The following PALM2AKAP2 variants were observed in gnomAD, a reference collection of about 807,000 sequenced individuals.
The protein encoded by PALM2AKAP2 is PALM2 and AKAP2 fusion.
PALM2AKAP2 carries 37 observed loss-of-function variants against 71.5 expected under a neutral mutation model. The ratio of observed to expected loss-of-function variants is 0.52; its 90% CI spans 0.40 to 0.68. PALM2AKAP2 has a LOEUF of 0.68. PALM2AKAP2 is among the 30% of genes least tolerant of loss of function. The pLI, the probability that PALM2AKAP2 is intolerant of heterozygous loss-of-function variation, is 0.00. For missense variants in PALM2AKAP2, 1,224 were observed against 1,191.8 expected (o/e 1.03, Z -0.40); for synonymous variants, 468 against 478.8 (o/e 0.98, Z 0.29).
chr9:109,901,294 C>T (rs558670602), intron 3 of PALM2AKAP2, among the ~76,000 whole-genome samples: 1 of 152,344 alleles, frequency 6.6e-6, no homozygotes, highest in Admixed American at 6.5e-5. Context: ...CTTCTCAGCT[C>T]AGCCACCTGT....
rs1057486283 is a variant in PALM2AKAP2 at position 110,116,385 on chromosome 9, TGTGC to T, written c.157-19740_157-19737del. The stretch of plus-strand genomic sequence containing the variant: ...GTGCGTGTGTGTGTGCGTGTGTGTG[TGTGC>T]GCATGTGTGTGCGTGTGCGTGTGCG... On this transcript the variant is annotated intron_variant, in intron 1 of 3. Coordinates refer to ENST00000374525, the Ensembl canonical transcript of PALM2AKAP2. 1.4e-3 allele frequency among the ~76,000 whole-genome samples: 210 copies of T among 152,018 alleles called. 2 individuals carry two copies. Among genetic ancestry groups the T allele is most frequent in the African/African-American group, 4.9e-3 (204 of 41,452 alleles).
At chr9:109,805,229 A>G (rs1380991350) in intron 1 of PALM2AKAP2, among the ~76,000 whole-genome samples, 1 of 152,210 alleles carries the variant, frequency 6.6e-6, no homozygotes, top group Non-Finnish European at 1.5e-5. Flanking sequence ...TTTCTTAGTG[A>G]TGGTGGCTGC....
intron 1 of PALM2AKAP2, among the ~76,000 whole-genome samples, chr9:109,843,641 T>C (rs535180620): frequency 6.6e-6 from 1 of 152,326 alleles, no homozygotes; most frequent in Admixed American, 6.5e-5. Context: ...ACATGTTCAG[T>C]AAATGCTTGT....
At chr9:109,869,955 T>C (rs1229802000) in intron 2 of PALM2AKAP2, among the ~76,000 whole-genome samples, 2 of 152,070 alleles carry the variant, frequency 1.3e-5, no homozygotes, top group East Asian at 1.9e-4. Flanking sequence ...GGGAAAGGCT[T>C]GTGTGGACAG....
chr9:110,111,237 A>T (rs543129836), intron 1 of PALM2AKAP2, among the ~76,000 whole-genome samples: 1 of 151,480 alleles, frequency 6.6e-6, no homozygotes, highest in East Asian at 1.9e-4. Context: ...GGTCACAGGC[A>T]TGCACCACCA....
chr9:109,915,588 A>G (rs1269180894), intron 3 of PALM2AKAP2, among the ~76,000 whole-genome samples: 1 of 152,174 alleles, frequency 6.6e-6, no homozygotes, highest in African/African-American at 2.4e-5. Flanking sequence ...CTGTGTATCC[A>G]TCCATCTGTG....
intron 3 of PALM2AKAP2, among the ~76,000 whole-genome samples, chr9:109,890,339 C>G (rs886217646): frequency 1.3e-5 from 2 of 152,156 alleles, no homozygotes. Flanking sequence ...GGACCCGAGG[C>G]TGCTTGATAC....
intron 7 of PALM2AKAP2, chr9:110,025,299 T>C (rs557565434): frequency 7.4e-5 from 89 of 1,210,006 alleles, no homozygotes; most frequent in Admixed American, 1.3e-4. Context: ...CTCCATGTTT[T>C]CTAAAAGGCC....
chr9:109,778,085 C>T (rs1261424292), upstream of PALM2AKAP2, among the ~76,000 whole-genome samples: 1 of 152,198 alleles, frequency 6.6e-6, no homozygotes, highest in Non-Finnish European at 1.5e-5. Flanking sequence ...ACCATTTCAA[C>T]CACTTTTAAG....
intron 1 of PALM2AKAP2, among the ~76,000 whole-genome samples, chr9:109,649,042 C>T (rs1304038590): frequency 6.6e-6 from 1 of 152,018 alleles, no homozygotes; most frequent in African/African-American, 2.4e-5. Context: ...TACTCCCATC[C>T]CTCCCACTCC....
rs1040789956 is a variant in PALM2AKAP2, at chr9:109,867,683, C to T, written c.126+112C>T. On this transcript the variant is annotated intron_variant, in intron 2 of 9. Coordinates refer to the PALM2AKAP2 transcript ENST00000302798. Reference sequence around the variant, plus strand: ...AGGCGCTGCCGCCAACCAAACCAGCCTTTTTCATTCAATCAGGAAACCATC... The same window carrying T: ...AGGCGCTGCCGCCAACCAAACCAGCTTTTTTCATTCAATCAGGAAACCATC... 5.7e-5 allele frequency: 69 copies of T among 1,219,286 alleles called. No homozygotes were observed. In the African/African-American group the frequency reaches 8.0e-4, roughly 14 times the overall value. The allele number at this position is 1,219,286 out of a possible 1,614,324, so 75.5% of individuals were successfully genotyped here.
At chr9:110,081,847 G>C (rs1363029044) in intron 1 of PALM2AKAP2, among the ~76,000 whole-genome samples, 1 of 151,892 alleles carries the variant, frequency 6.6e-6, no homozygotes. Flanking sequence ...ATTTGGGGTG[G>C]GGTTCTCATG....
intron 6 of PALM2AKAP2, among the ~76,000 whole-genome samples, chr9:109,934,794 G>A (rs1564219114): frequency 6.6e-6 from 1 of 152,198 alleles, no homozygotes; most frequent in Non-Finnish European, 1.5e-5. Flanking sequence ...CAGTTGAAAT[G>A]TTCAGTCTGT....
At chr9:109,801,938 C>T (rs1047349660) in intron 1 of PALM2AKAP2, among the ~76,000 whole-genome samples, 2 of 152,068 alleles carry the variant, frequency 1.3e-5, no homozygotes, top group East Asian at 1.9e-4. Context: ...AGGGGTGATC[C>T]CCCCAAAATC....
chr9:109,995,144 G>C (rs1832550279), intron 6 of PALM2AKAP2, among the ~76,000 whole-genome samples: 1 of 152,138 alleles, frequency 6.6e-6, no homozygotes, highest in African/African-American at 2.4e-5. Flanking sequence ...TAGGTGACCT[G>C]ACACTGCCAC....
intron 1 of PALM2AKAP2, among the ~76,000 whole-genome samples, chr9:109,716,582 C>T (rs763940385): frequency 3.1e-5 from 3 of 96,946 alleles, no homozygotes; most frequent in Non-Finnish European, 5.0e-5. Context: ...CTGGCAGGTA[C>T]CTGGAAAGAC....
intron 6 of PALM2AKAP2, among the ~76,000 whole-genome samples, chr9:110,011,014 A>AAAAAAAAAAAATATATATAT (rs35212981): frequency 5.0e-4 from 35 of 69,572 alleles, no homozygotes; most frequent in African/African-American, 2.7e-3. Flanking sequence ...AAAAAAAAAA[A>AAAAAAAAAAAATATATATAT]ATATATATAT....
chr9:110,087,154 A>G (rs970702689), intron 1 of PALM2AKAP2, among the ~76,000 whole-genome samples: 2 of 152,180 alleles, frequency 1.3e-5, no homozygotes, highest in African/African-American at 4.8e-5. Flanking sequence ...TAACATGGCT[A>G]ACTCTACCCC....
At chr9:110,013,787 A>G (rs1303120164) in intron 6 of PALM2AKAP2, among the ~76,000 whole-genome samples, 2 of 152,216 alleles carry the variant, frequency 1.3e-5, no homozygotes, top group Non-Finnish European at 2.9e-5. Flanking sequence ...TTAATTTCGT[A>G]TTAATTTACT....
Sources: allele counts gnomAD v4.1 joint callset (sites outside exome capture counted in the v4.1 genomes callset), GRCh38; gene constraint gnomAD v4.1.1; transcripts MANE v1.5; gene names NCBI Gene and HGNC (gene_info 2026-07-23, HGNC 2026-07-21).